CPLANE1: variants seen among roughly 807,000 people sequenced by gnomAD.
CPLANE1 encodes the protein ciliogenesis and planar polarity effector complex subunit 1.
In CPLANE1, 263 loss-of-function variants were observed where a neutral mutation model predicts 362.5. That is an observed-to-expected ratio of 0.73 (90% CI 0.66 to 0.80). The LOEUF (loss-of-function observed/expected upper bound fraction) is 0.80, where lower values mean the gene tolerates loss of function less well. Among genes scored for constraint, CPLANE1 ranks in the 30% least tolerant of loss-of-function variants. The pLI, the probability that CPLANE1 is intolerant of heterozygous loss-of-function variation, is 0.00. For missense variants in CPLANE1, 3,461 were observed against 3,793.4 expected (o/e 0.91, Z 2.30); for synonymous variants, 1,212 against 1,302.6 (o/e 0.93, Z 1.50).
intron 32 of CPLANE1, 104 bp downstream of exon 32, chr5:37,173,651 G>A (rs2151004583): frequency 5.2e-6 from 5 of 957,862 alleles, no homozygotes; most frequent in South Asian, 3.5e-5. Flanking sequence ...AGAAATGCTT[G>A]TGATATAATT....
intron 21 of CPLANE1, 65 bp from the exon 22 acceptor site, chr5:37,187,907 C>G (rs1784488457): frequency 9.4e-7 from 1 of 1,061,776 alleles, no homozygotes; most frequent in East Asian, 2.6e-5. Context: ...TATAACAACT[C>G]CAACTCTGCT....
At chr5:37,205,486 C>A (rs1266475548) in intron 17 of CPLANE1, 32 bp from the exon 18 acceptor site, 11 of 1,426,520 alleles carry the variant, frequency 7.7e-6, no homozygotes, top group South Asian at 4.7e-5. Flanking sequence ...GGAAATGAAT[C>A]CAAATTTTGA....
intron 5 of CPLANE1, among the ~76,000 whole-genome samples, chr5:37,243,457 TA>T (rs1447867331): frequency 2.0e-5 from 3 of 151,768 alleles, no homozygotes; most frequent in African/African-American, 7.3e-5. Context: ...GAGGGGACAA[TA>T]AAACTTCAAA....
chr5:37,241,524 G>T lies in CPLANE1; in HGVS notation c.677+1489C>A, dbSNP rs997269555. On this transcript the variant is annotated intron_variant, in intron 6 of 52. Coordinates refer to ENST00000651892, the MANE Select transcript of CPLANE1 (RefSeq NM_001384732.1). ...AAAGAAGAGGGAAACTTTGGGGATA[G>T]TATCAATGTTCTATAATTGATCCAA... Among the ~76,000 whole-genome samples the T allele has an allele frequency of 2.6e-5, 4 of 152,096 alleles. No homozygotes were observed. The East Asian group carries it at 7.7e-4, about 29-fold the overall frequency.
At chr5:37,139,653 C>A (rs929454788) in intron 44 of CPLANE1, 4 of 427,906 alleles carry the variant, frequency 9.3e-6, no homozygotes, top group Non-Finnish European at 9.7e-6. Context: ...CGGGCTCAAG[C>A]AAACCTCCCA....
Position 37,142,424 on chromosome 5 carries a change from C to T in CPLANE1, c.8518G>A (p.Glu2840Lys), listed in dbSNP as rs370334507. The T allele has an allele frequency of 1.4e-5, 23 of 1,608,922 alleles. No homozygotes were observed. The highest frequency in any genetic ancestry group is 2.0e-5 in the Non-Finnish European group (23 of 1,178,026). ...TTTTCTGTTATTGAAAATTCAGGTT[C>T]TGAAGTCTCCTTTTTGTCACTTTGA... ...EDQSDKKETSEPEFSITENYS... is the reference protein window; with the variant it reads ...EDQSDKKETSKPEFSITENYS... The change falls in exon 44 of 53, where the codon GAA becomes AAA. Residue 2840 changes from glutamate (E) to lysine (K), a missense_variant. Physicochemically the swap from Glu to Lys is moderately conservative, Grantham distance 56. Coordinates refer to ENST00000651892, the MANE Select transcript of CPLANE1 (RefSeq NM_001384732.1).
Position 37,206,332 on chromosome 5 carries a change from G to C in CPLANE1, c.3014C>G (p.Ala1005Gly), listed in dbSNP as rs2150129208. ...GCCACCAATAAATAGTAATTCAAGT[G>C]CATATTCAACTGTCCACACATTAGA... ...NLSNVWTVEY[A>G]LELLFIGGLV... The change falls in exon 17 of 53, where the codon GCA becomes GGA. Residue 1005 changes from alanine to glycine, a missense_variant. Ala to Gly is a moderately conservative substitution (Grantham distance 60). Around this residue, in one of 2 missense-constraint regions of CPLANE1, gnomAD observed 3,380 missense variants for 3,666.1 expected, o/e 0.92. Transcript: ENST00000651892. 1 of 1,551,186 alleles carries C rather than the reference G, an allele frequency of 6.4e-7. No individual in the cohort carries two copies. The highest frequency in any genetic ancestry group is 2.4e-5 in the East Asian group (1 of 40,932).
At chr5:37,084,343 C>A in the CPLANE1 span, among the ~76,000 whole-genome samples, 1 of 152,144 alleles carries the variant, frequency 6.6e-6, no homozygotes, top group African/African-American at 2.4e-5. Flanking sequence ...ATAAATCTCA[C>A]AGGACCTATA....
At chr5:37,109,171 T>C (rs781475221) in intron 51 of CPLANE1, among the ~76,000 whole-genome samples, 1 of 152,144 alleles carries the variant, frequency 6.6e-6, no homozygotes, top group African/African-American at 2.4e-5. Flanking sequence ...GAAGTAAATA[T>C]AGATCCCAAA....
In CPLANE1 at chr5:37,209,105, T is replaced by C. The variant is rs188304071; in HGVS notation, c.2921-2680A>G. Among the ~76,000 whole-genome samples, 146 of 152,348 alleles carry C rather than the reference T, an allele frequency of 9.6e-4. No homozygotes were observed. The highest frequency in any genetic ancestry group is 9.5e-3 in the Admixed American group (146 of 15,302). On this transcript the variant is annotated intron_variant, in intron 16 of 52. Transcript: ENST00000651892. This position sits in a 1 kb window ranked among gnomAD's most constrained non-coding sequence, Gnocchi z 4.6. The stretch of plus-strand genomic sequence containing the variant: ...CGGGTCCCCGCCCTCCAGCCGCCTT[T>C]GATTCGTGACTGGGTCACGGTCCTC...
chr5:37,164,562 C>T (rs930197260), intron 36 of CPLANE1, among the ~76,000 whole-genome samples: 5 of 152,124 alleles, frequency 3.3e-5, no homozygotes, highest in Non-Finnish European at 7.4e-5. Context: ...TGTAACGTTC[C>T]TAGGTTACCA....
At chr5:37,083,770 C>T in the CPLANE1 span, among the ~76,000 whole-genome samples, 1 of 152,154 alleles carries the variant, frequency 6.6e-6, no homozygotes, top group African/African-American at 2.4e-5. Context: ...AAGAAGTCTA[C>T]AGTTAATGTT....
chr5:37,192,666 C>T (rs979007824), intron 21 of CPLANE1, among the ~76,000 whole-genome samples: 8 of 151,038 alleles, frequency 5.3e-5, no homozygotes, highest in Admixed American at 2.6e-4. Context: ...AGATTGAGAC[C>T]ATCCTGGCTA....
chr5:37,135,717 C>T (rs370907966), intron 46 of CPLANE1, among the ~76,000 whole-genome samples: 3 of 152,006 alleles, frequency 2.0e-5, no homozygotes, highest in Admixed American at 1.3e-4. Flanking sequence ...CCTGTAATCC[C>T]AGCTACTCGG....
chr5:37,205,362 G>A lies in CPLANE1; in HGVS notation c.3242C>T (p.Ser1081Phe). Reference protein sequence around the residue: ...KLQCVLGQPASLEAKNEMGSK... With the variant: ...KLQCVLGQPAFLEAKNEMGSK... ...GCCCATTTCATTTTTTGCTTCCAAA[G>A]AGGCTGGTTGACCTAAAACACACTG... Residue 1081 changes from serine to phenylalanine, a missense_variant, in exon 18 of 53, where the codon TCT (serine) becomes TTT (phenylalanine). Transcript: ENST00000651892. The A allele has an allele frequency of 6.4e-7, 1 of 1,550,708 alleles. No homozygotes were observed. Among genetic ancestry groups the A allele is most frequent in the South Asian group, 1.2e-5 (1 of 83,922 alleles).
At chr5:37,195,764 G>A (rs1450316312) in intron 21 of CPLANE1, 94 bp downstream of exon 21, 1 of 1,176,560 alleles carries the variant, frequency 8.5e-7, no homozygotes, top group Non-Finnish European at 1.2e-6. Flanking sequence ...AAATATCAGA[G>A]CATATTGTAC....
intron 42 of CPLANE1, among the ~76,000 whole-genome samples, chr5:37,151,416 T>C (rs1773527617): frequency 6.6e-6 from 1 of 152,232 alleles, no homozygotes; most frequent in Non-Finnish European, 1.5e-5. Context: ...CATTGGTATA[T>C]ACATCTATCT....
intron 40 of CPLANE1, 37 bp downstream of exon 40, chr5:37,157,633 T>C (rs1460931638): frequency 1.3e-6 from 2 of 1,565,604 alleles, no homozygotes; most frequent in South Asian, 2.2e-5. Flanking sequence ...AAAGAACTTT[T>C]CAAATTATAT....
intron 16 of CPLANE1, chr5:37,212,475 C>A: frequency 1.6e-6 from 1 of 629,126 alleles, no homozygotes; most frequent in Non-Finnish European, 2.9e-6. Context: ...AGATAAAACT[C>A]TGAATAAAAA....
Sources: allele counts gnomAD v4.1 joint callset (sites outside exome capture counted in the v4.1 genomes callset), GRCh38; gene constraint gnomAD v4.1.1; regional missense constraint gnomAD v4.1.1; non-coding constraint Gnocchi (gnomAD v3.1); transcripts MANE v1.5; gene names NCBI Gene and HGNC (gene_info 2026-07-23, HGNC 2026-07-21).